Variants in LIMK1 observed in about 807,000 individuals in gnomAD.
The protein encoded by LIMK1 is LIM domain kinase 1.
A neutral mutation model predicts 77.6 loss-of-function variants in LIMK1; 21 were observed. That is an observed-to-expected ratio of 0.27 (90% CI 0.19 to 0.39). The LOEUF is 0.39. Ranked by LOEUF, LIMK1 falls within the 10% of genes least tolerant of loss-of-function variation. LIMK1 has a pLI of 1.00. For missense variants in LIMK1, 696 were observed against 901.6 expected (o/e 0.77, Z 2.92); for synonymous variants, 358 against 370.0 (o/e 0.97, Z 0.37).
At chr7:74,120,008 A>T (rs1799898997) in intron 13 of LIMK1, among the ~76,000 whole-genome samples, 1 of 152,086 alleles carries the variant, frequency 6.6e-6, no homozygotes, top group African/African-American at 2.4e-5. Context: ...TCTAGGGGAG[A>T]ATGCATTCCT....
intron 10 of LIMK1, 87 bp downstream of exon 10, chr7:74,109,123 T>C (rs1237199489): frequency 3.7e-6 from 4 of 1,070,242 alleles, no homozygotes; most frequent in Non-Finnish European, 5.6e-6. Flanking sequence ...ATCTCTTCAA[T>C]GGGGGGAAGC....
intron 8 of LIMK1, among the ~76,000 whole-genome samples, chr7:74,107,561 T>G (rs1456172617): frequency 1.3e-5 from 2 of 151,814 alleles, no homozygotes; most frequent in East Asian, 1.9e-4. Context: ...TGCATGCCTG[T>G]GGTCCCAGCT....
chr7:74,107,977 T>A lies in LIMK1; in HGVS notation c.1152+20T>A. The A allele has an allele frequency of 6.5e-7, 1 of 1,540,410 alleles. No individual in the cohort carries two copies. The highest frequency in any genetic ancestry group is 8.8e-7 in the Non-Finnish European group (1 of 1,135,910). On this transcript the variant is annotated intron_variant, in intron 9 of 15. Transcript: ENST00000336180. ...AAGGAGGTCAGTGAGCGGAATGCCC[T>A]CTTCCCTCCAGAGGGACTTCCAGGT...
intron 10 of LIMK1, 45 bp from the exon 11 acceptor site, chr7:74,111,603 G>A (rs782288057): frequency 6.4e-6 from 10 of 1,566,336 alleles, no homozygotes; most frequent in Non-Finnish European, 8.7e-6. Flanking sequence ...CCCTGCCATC[G>A]GGGCCCCCAC....
chr7:74,084,105 G>T, intron 1 of LIMK1, 60 bp downstream of exon 1: 3 of 982,472 alleles, frequency 3.1e-6, no homozygotes. Flanking sequence ...GCAGCGTGGG[G>T]CACGGGAGGG....
chr7:74,084,018 T>C lies in LIMK1; in HGVS notation c.28T>C (p.Trp10Arg). MRLTLLCCT[W>R]REERMGEEGS... ...GAGGTTGACGCTACTTTGTTGCACC[T>C]GGAGGGAAGAACGTATGGGAGAGGA... Residue 10 changes from tryptophan to arginine, a missense_variant, in exon 1 of 16, where the codon TGG (tryptophan) becomes CGG (arginine). Transcript: ENST00000336180. 6.7e-7 allele frequency: 1 copy of C among 1,486,826 alleles called. No individual in the cohort carries two copies. The highest frequency in any genetic ancestry group is 9.0e-7 in the Non-Finnish European group (1 of 1,112,090). The allele number at this position is 1,486,826 out of a possible 1,614,324, so 92.1% of individuals were successfully genotyped here. A position where few individuals can be genotyped will look rare whatever the true frequency, so the allele number is the denominator to read the frequency against.
intron 5 of LIMK1, among the ~76,000 whole-genome samples, chr7:74,100,196 G>C (rs976016899): frequency 6.6e-6 from 1 of 151,970 alleles, no homozygotes; most frequent in Admixed American, 6.6e-5. Context: ...ATAATTGCAC[G>C]ACTGCACTCT....
At chr7:74,111,559 C>G (rs1799699007) in intron 10 of LIMK1, 89 bp from the exon 11 acceptor site, 1 of 1,108,960 alleles carries the variant, frequency 9.0e-7, no homozygotes, top group African/African-American at 1.5e-5. Flanking sequence ...CTCTAGGACG[C>G]TTGCCTCTTC....
chr7:74,111,357 G>A (rs1799694642), intron 10 of LIMK1: 3 of 394,500 alleles, frequency 7.6e-6, no homozygotes. Context: ...AGAATCACTT[G>A]AGCCCCGGAG....
At chr7:74,108,065 G>A (rs892704595) in intron 9 of LIMK1, 108 bp downstream of exon 9, 23 of 802,814 alleles carry the variant, frequency 2.9e-5, no homozygotes, top group African/African-American at 2.2e-4. Context: ...AAAGAAGAGC[G>A]AGCAGGCCAG....
intron 12 of LIMK1, among the ~76,000 whole-genome samples, chr7:74,114,075 A>AC (rs1443883520): frequency 6.6e-6 from 1 of 151,852 alleles, no homozygotes; most frequent in Non-Finnish European, 1.5e-5. Flanking sequence ...ACACAGTGAG[A>AC]CCCCTCTCTA....
At chr7:74,086,646 G>A (rs1554694109) in intron 2 of LIMK1, among the ~76,000 whole-genome samples, 1 of 152,146 alleles carries the variant, frequency 6.6e-6, no homozygotes, top group East Asian at 1.9e-4. Context: ...ACAGGCGTGA[G>A]CTAACGCCTT....
At position 74,118,377 on chromosome 7, in the gene LIMK1, AACACACACACACACACAC is replaced by A. The variant is rs57707215; in HGVS notation, c.1568-2174_1568-2157del. Among the ~76,000 whole-genome samples the A allele has an allele frequency of 2.9e-3, 375 of 130,134 alleles. 4 individuals carry two copies. The East Asian group carries it at 0.033, about 11-fold the overall frequency. The allele number at this position is 130,134 out of a possible 152,430, so 85.4% of individuals were successfully genotyped here. ...GACGACAGAGTGGGACTCTGTGTCAAACACACACACACACACACACACACACACACACACACACACACA... is the reference window on the plus strand; with the variant it reads ...GACGACAGAGTGGGACTCTGTGTCAAACACACACACACACACACACACACA... On this transcript the variant is annotated intron_variant, in intron 13 of 15. Coordinates refer to ENST00000336180, the MANE Select transcript of LIMK1 (RefSeq NM_002314.4).
At chr7:74,100,362 T>C (rs1799429769) in intron 5 of LIMK1, among the ~76,000 whole-genome samples, 1 of 152,170 alleles carries the variant, frequency 6.6e-6, no homozygotes, top group African/African-American at 2.4e-5. Flanking sequence ...TTTCTAAGAT[T>C]TCTGTGGCGC....
chr7:74,108,647 CAA>C (rs1310123718), intron 9 of LIMK1, among the ~76,000 whole-genome samples: 10 of 87,878 alleles, frequency 1.1e-4, no homozygotes, highest in Admixed American at 1.3e-4. Flanking sequence ...GACTCCTTCT[CAA>C]AAAAAAAAAA....
chr7:74,096,634 C>T lies in LIMK1; in HGVS notation c.165C>T (p.Cys55=), dbSNP rs1313771202. 3 of 1,613,908 alleles carry T rather than the reference C, an allele frequency of 1.9e-6. No individual in the cohort carries two copies. Among genetic ancestry groups the T allele is most frequent in the Non-Finnish European group, 2.5e-6 (3 of 1,180,032 alleles). The change falls in exon 3 of 16, where the codon TGC becomes TGT. Residue 55 remains cysteine, a synonymous_variant. Transcript: ENST00000336180. The part of the protein sequence containing the change: ...WHADCFRCCD[C]SASLSHQYYE... ...CCCTCTCCTGCAGGTGTTGTGACTG[C>T]AGTGCCTCCCTGTCGCACCAGTACT...
intron 7 of LIMK1, 132 bp downstream of exon 7, chr7:74,106,375 C>T: frequency 4.1e-6 from 4 of 973,032 alleles, no homozygotes; most frequent in Admixed American, 4.9e-5. Flanking sequence ...GTGGAGGCTG[C>T]AGTAAGCTGT....
chr7:74,107,726 G>C (rs1799607070), intron 8 of LIMK1, 145 bp from the exon 9 acceptor site: 3 of 622,708 alleles, frequency 4.8e-6, no homozygotes, highest in Middle Eastern at 3.4e-4. Flanking sequence ...CCATCCACTT[G>C]GGTATTTGGG....
At chr7:74,093,175 AGGATGG>A (rs1386121183) in intron 2 of LIMK1, 2 of 1,522,972 alleles carry the variant, frequency 1.3e-6, no homozygotes, top group African/African-American at 2.7e-5. Flanking sequence ...CCCCTGAGGG[AGGATGG>A]GGAAGCAGCT....
Sources: gnomAD v4.1 joint callset for allele counts (sites outside exome capture counted in the v4.1 genomes callset) on GRCh38, gnomAD v4.1.1 for gene constraint, MANE v1.5 for transcripts, NCBI Gene and HGNC (gene_info 2026-07-23, HGNC 2026-07-21) for gene names.